Variants in FAN1 observed in about 807,000 individuals in gnomAD.
FAN1 encodes FANCD2 and FANCI associated nuclease 1.
Under a neutral mutation model 104.9 loss-of-function variants are expected in FAN1, and 91 were observed. The ratio of observed to expected loss-of-function variants is 0.87; its 90% confidence interval spans 0.73 to 1.03. The LOEUF is 1.03. FAN1 is among the 50% of genes least tolerant of loss of function. The pLI is 0.00. For synonymous variants in FAN1, 478 were observed against 457.6 expected (o/e 1.04, Z -0.57); for missense variants, 1,263 against 1,239.9 (o/e 1.02, Z -0.28).
Position 30,928,780 on chromosome 15 carries a change from A to G in FAN1, c.2592+124A>G, listed in dbSNP as rs1595868796. 15 of 1,523,414 alleles carry G rather than the reference A, an allele frequency of 9.8e-6. No homozygotes were observed. The East Asian group carries it at 3.0e-4, about 30-fold the overall frequency. The allele number at this position is 1,523,414 out of a possible 1,614,324, so 94.4% of individuals were successfully genotyped here. A position where few individuals can be genotyped will look rare whatever the true frequency, so the allele number is the denominator to read the frequency against. ...TCTGTTACGGTCCTTTGGGTCATCC[A>G]CAGGTCAAGATGATAACTTATTTTA... On this transcript the variant is annotated intron_variant, in intron 11 of 14. Coordinates refer to ENST00000362065, the MANE Select transcript of FAN1 (RefSeq NM_014967.5).
chr15:30,930,417 G>A (rs2062676899), intron 12 of FAN1, 126 bp from the exon 13 acceptor site: 2 of 1,095,170 alleles, frequency 1.8e-6, no homozygotes, highest in Non-Finnish European at 2.5e-6. Context: ...AGCGCATGGT[G>A]GGCCTGGGGT....
In FAN1 at chr15:30,903,962, A is replaced by T. The variant is rs1390893227; in HGVS notation, c.-202A>T. The T allele has an allele frequency of 6.6e-6, 1 of 152,562 alleles. No homozygotes were observed. Among genetic ancestry groups the T allele is most frequent in the Non-Finnish European group, 1.5e-5 (1 of 68,344 alleles). 9.5% of individuals were successfully genotyped at this position (152,562 alleles called of 1,614,324 possible). A position where few individuals can be genotyped will look rare whatever the true frequency, so the allele number is the denominator to read the frequency against. ...AGGGAAGGAGGACGCGAGGGCAGCC[A>T]GGCCCTAGGGAGCAGGGAGAGTGGC... On this transcript the variant is annotated 5_prime_UTR_variant, in exon 1 of 15. Transcript: ENST00000362065.
At chr15:30,928,297 G>T in intron 10 of FAN1, 1 of 1,269,882 alleles carries the variant, frequency 7.9e-7, no homozygotes, top group Non-Finnish European at 9.9e-7. Flanking sequence ...ACTGCTTTGT[G>T]GCTTTGAAAT....
chr15:30,922,862 T>C lies in FAN1; in HGVS notation c.2172+508T>C, dbSNP rs538956034. 2.6e-5 allele frequency among the ~76,000 whole-genome samples: 4 copies of C among 152,368 alleles called. No homozygotes were observed. The South Asian group carries it at 8.3e-4, about 32-fold the overall frequency. On this transcript the variant is annotated intron_variant, in intron 8 of 14. Transcript: ENST00000362065. ...TGCCATTTGGAAGCGTTGTTTGACC[T>C]TGAGCAGGCACCAGTGCTCCCTGTG... is the stretch of plus-strand genomic sequence containing the variant.
chr15:30,904,023 AG>A lies in FAN1; in HGVS notation c.-153+14del, dbSNP rs1458440913. 6.6e-6 allele frequency: 1 copy of A among 152,284 alleles called. No individual in the cohort carries two copies. The highest frequency in any genetic ancestry group is 2.4e-5 in the African/African-American group (1 of 41,432). The allele number at this position is 152,284 out of a possible 1,614,324, so 9.4% of individuals were successfully genotyped here. A position where few individuals can be genotyped will look rare whatever the true frequency, so the allele number is the denominator to read the frequency against. ...TCGCGTGGCCCCAGGTGCGCGTCCC[AG>A]GTGCGCGGCCTTGACCCAGCAGCGT... On this transcript the variant is annotated intron_variant, in intron 1 of 14. Coordinates refer to ENST00000362065, the MANE Select transcript of FAN1 (RefSeq NM_014967.5).
chr15:30,927,073 A>G, intron 10 of FAN1: 1 of 959,022 alleles, frequency 1.0e-6, no homozygotes, highest in Non-Finnish European at 1.2e-6. Context: ...GCACTTGGGG[A>G]GGCTGAGACA....
chr15:30,940,957 T>C, intron 14 of FAN1: 23 of 1,094,718 alleles, frequency 2.1e-5, no homozygotes, highest in Non-Finnish European at 2.5e-5. Context: ...GAAGGTGATC[T>C]AAAATCATAA....
At chr15:30,938,865 A>G (rs2062944130) in intron 14 of FAN1, 6 of 954,252 alleles carry the variant, frequency 6.3e-6, no homozygotes, top group Non-Finnish European at 7.5e-6. Context: ...ACACAGAAGT[A>G]TGGGTAGGAG....
chr15:30,938,859 AG>A, intron 14 of FAN1: 5 of 953,586 alleles, frequency 5.2e-6, no homozygotes, highest in Non-Finnish European at 6.2e-6. Context: ...TGGATGACAC[AG>A]AAGTATGGGT....
chr15:30,910,629 A>C lies in FAN1; in HGVS notation c.1391A>C (p.Glu464Ala), dbSNP rs1219054414. 1.3e-6 allele frequency: 2 copies of C among 1,580,414 alleles called. No homozygotes were observed. The highest frequency in any genetic ancestry group is 2.4e-5 in the South Asian group (2 of 83,162). ...ACCATTTCAGAATCTGAGTTGCAAGAACTCTCTGAAGTGCTTGAACTCCTT... is the reference window on the plus strand; with the variant it reads ...ACCATTTCAGAATCTGAGTTGCAAGCACTCTCTGAAGTGCTTGAACTCCTT... ...GFLQTESELQ[E>A]LSEVLELLSA... Residue 464 changes from glutamate to alanine, a missense_variant, in exon 4 of 15, where the codon GAA becomes GCA. This residue lies in a region of FAN1 where 682 missense variants were observed against 571.1 expected (regional missense o/e 1.19). Coordinates refer to ENST00000362065, the MANE Select transcript of FAN1 (RefSeq NM_014967.5).
rs1468613803 is a variant in FAN1 at position 30,908,214 on chromosome 15, C to T, written c.1331C>T (p.Thr444Ile). Reference sequence around the variant, plus strand: ...TATGAAGAGATTGCCTTAGACTTAACACCTGTGATTGAAGAATTGACGAAT... The same window carrying T: ...TATGAAGAGATTGCCTTAGACTTAATACCTGTGATTGAAGAATTGACGAAT... ...LEYEEIALDL[T>I]PVIEELTNAG... Residue 444 changes from threonine (T) to isoleucine (I), a missense_variant, in exon 3 of 15, where the codon ACA becomes ATA. Thr to Ile is a moderately conservative substitution (Grantham distance 89, BLOSUM62 -1). Coordinates refer to ENST00000362065, the MANE Select transcript of FAN1 (RefSeq NM_014967.5). 4 of 1,609,578 alleles carry T rather than the reference C, an allele frequency of 2.5e-6. No homozygotes were observed. In the African/African-American group the frequency reaches 5.3e-5, roughly 22 times the overall value.
At chr15:30,928,134 G>T in intron 10 of FAN1, 2 of 1,008,450 alleles carry the variant, frequency 2.0e-6, no homozygotes, top group Non-Finnish European at 2.4e-6. Flanking sequence ...CATTTCTTCA[G>T]GGGTGGCCCA....
At chr15:30,923,312 C>T (rs1279657442) in intron 8 of FAN1, among the ~76,000 whole-genome samples, 1 of 152,184 alleles carries the variant, frequency 6.6e-6, no homozygotes, top group African/African-American at 2.4e-5. Flanking sequence ...GAGAAAGCAT[C>T]TGGTAGCCTA....
chr15:30,908,285 A>G, intron 3 of FAN1, 27 bp downstream of exon 3: 1 of 1,548,796 alleles, frequency 6.5e-7, no homozygotes, highest in Non-Finnish European at 8.7e-7. Flanking sequence ...GAGATGTGAA[A>G]TGAAAATATG....
At chr15:30,913,622 C>T (rs905549973) in intron 4 of FAN1, among the ~76,000 whole-genome samples, 13 of 152,118 alleles carry the variant, frequency 8.5e-5, no homozygotes, top group African/African-American at 3.1e-4. Context: ...ACTGTGCAGC[C>T]GAGGAAGGAA....
chr15:30,936,961 G>GT (rs769135088), intron 13 of FAN1, among the ~76,000 whole-genome samples, 158 bp from the exon 14 acceptor site: 2 of 152,284 alleles, frequency 1.3e-5, no homozygotes, highest in African/African-American at 4.8e-5. Flanking sequence ...GTGAACCATT[G>GT]TAAGTGAAGG....
chr15:30,940,950 G>C (rs748917017), intron 14 of FAN1: 9 of 1,090,160 alleles, frequency 8.3e-6, no homozygotes, highest in Non-Finnish European at 1.0e-5. Flanking sequence ...TTCCAAAGAA[G>C]GTGATCTAAA....
chr15:30,922,403 AC>A (rs1426591717), intron 8 of FAN1, 49 bp downstream of exon 8: 2 of 1,554,708 alleles, frequency 1.3e-6, no homozygotes, highest in East Asian at 4.5e-5. Context: ...TTTAGAATCA[AC>A]TTTTAAAATA....
rs60719098 is a variant in FAN1 at position 30,925,225 on chromosome 15, G to A, written c.2271G>A (p.Pro757=). The change falls in exon 9 of 15, where the codon CCG becomes CCA. Residue 757 remains proline (P), a synonymous_variant. Coordinates refer to ENST00000362065, the MANE Select transcript of FAN1 (RefSeq NM_014967.5). ...YQRAVRLRES[P]SCKKFKHLFQ... Reference sequence around the variant, plus strand: ...GAGCCGTGCGCCTGCGAGAGTCTCCGAGCTGTAAAAAGTTCAAGCACCTCT... The same window carrying A: ...GAGCCGTGCGCCTGCGAGAGTCTCCAAGCTGTAAAAAGTTCAAGCACCTCT... 2.5e-5 allele frequency: 41 copies of A among 1,613,996 alleles called. No homozygotes were observed. In the East Asian group the frequency reaches 2.7e-4, roughly 11 times the overall value.
Sources: allele counts gnomAD v4.1 joint callset (sites outside exome capture counted in the v4.1 genomes callset), GRCh38; gene constraint gnomAD v4.1.1; regional missense constraint gnomAD v4.1.1; transcripts MANE v1.5; gene names NCBI Gene and HGNC (gene_info 2026-07-23, HGNC 2026-07-21).